LIN7A: variants seen among roughly 807,000 people sequenced by gnomAD.
LIN7A encodes protein lin-7 homolog A.
In LIN7A, 25 loss-of-function variants were observed where a neutral mutation model predicts 29.8. The ratio of observed to expected loss-of-function variants is 0.84; its 90% CI spans 0.61 to 1.17. LIN7A has a LOEUF of 1.17. Ranked by LOEUF, LIN7A falls within the 50% of genes most tolerant of loss-of-function variation. The probability of loss-of-function intolerance (pLI) is 0.00; values close to 1 mark genes in which losing one functional copy is unlikely to be tolerated. For synonymous variants in LIN7A, 118 were observed against 107.5 expected (o/e 1.10, Z -0.60); for missense variants, 239 against 287.0 (o/e 0.83, Z 1.21).
chr12:80,871,110 T>C (rs1874407320), intron 2 of LIN7A, among the ~76,000 whole-genome samples: 1 of 152,180 alleles, frequency 6.6e-6, no homozygotes. Flanking sequence ...CATCTCAGGC[T>C]GAAAATAGTG....
chr12:80,906,705 C>T (rs1592940507), intron 1 of LIN7A, among the ~76,000 whole-genome samples: 1 of 151,982 alleles, frequency 6.6e-6, no homozygotes, highest in South Asian at 2.1e-4. Flanking sequence ...ATTGAAAAAC[C>T]ACCTATCGGG....
At chr12:80,923,306 T>A (rs1337833059) in intron 1 of LIN7A, among the ~76,000 whole-genome samples, 1 of 152,168 alleles carries the variant, frequency 6.6e-6, no homozygotes, top group East Asian at 1.9e-4. Flanking sequence ...TTCCTGGTTC[T>A]GAGGGGCCTG....
chr12:80,913,111 C>T (rs1237991832), intron 1 of LIN7A, among the ~76,000 whole-genome samples: 3 of 152,252 alleles, frequency 2.0e-5, no homozygotes, highest in South Asian at 4.1e-4. Context: ...CTTAATTTTC[C>T]TATGAGCTTA....
At chr12:80,937,022 G>T (rs1878267124) in intron 1 of LIN7A, 1 of 152,188 alleles carries the variant, frequency 6.6e-6, no homozygotes, top group Non-Finnish European at 1.5e-5. Flanking sequence ...GGCTGCTGGG[G>T]CTCGGCTCCC....
At chr12:80,904,186 C>CA (rs1020571476) in intron 1 of LIN7A, among the ~76,000 whole-genome samples, 3 of 151,406 alleles carry the variant, frequency 2.0e-5, no homozygotes, top group African/African-American at 7.3e-5. Flanking sequence ...TTTTAATCAA[C>CA]AAAAAAAATT....
intron 3 of LIN7A, chr12:80,847,979 C>A (rs1045497103): frequency 1.4e-5 from 7 of 517,194 alleles, no homozygotes; most frequent in Non-Finnish European, 2.1e-5. Flanking sequence ...TAGTATTTCA[C>A]ACAATGAACC....
At chr12:80,815,982 A>C (rs1871511727) in intron 4 of LIN7A, among the ~76,000 whole-genome samples, 1 of 152,186 alleles carries the variant, frequency 6.6e-6, no homozygotes, top group Non-Finnish European at 1.5e-5. Flanking sequence ...TACCTACCCC[A>C]AAATTATGCC....
chr12:80,911,606 T>A (rs1332856999), intron 1 of LIN7A, among the ~76,000 whole-genome samples: 7 of 152,204 alleles, frequency 4.6e-5, no homozygotes, highest in Admixed American at 3.9e-4. Flanking sequence ...AAATTATTCT[T>A]GTACCTTTTC....
chr12:80,812,793 C>A (rs763590581), intron 4 of LIN7A, among the ~76,000 whole-genome samples: 9 of 152,222 alleles, frequency 5.9e-5, no homozygotes, highest in Admixed American at 3.9e-4. Flanking sequence ...TCAAGCGATC[C>A]ACCTCCCTCA....
chr12:80,909,718 GTTA>G (rs1431125460), intron 1 of LIN7A, among the ~76,000 whole-genome samples: 1 of 152,074 alleles, frequency 6.6e-6, no homozygotes, highest in Non-Finnish European at 1.5e-5. Context: ...GGCCTTGGAA[GTTA>G]TTATTTCAAC....
At chr12:80,884,673 A>G (rs778798894) in intron 2 of LIN7A, among the ~76,000 whole-genome samples, 4 of 152,162 alleles carry the variant, frequency 2.6e-5, no homozygotes, top group Non-Finnish European at 5.9e-5. Flanking sequence ...TAGAGAACTG[A>G]CCCAGTTTTG....
At chr12:80,850,699 G>C (rs188801037) in intron 2 of LIN7A, among the ~76,000 whole-genome samples, 113 of 152,276 alleles carry the variant, frequency 7.4e-4, no homozygotes, top group Admixed American at 1.5e-3. Context: ...ATAGGGCTGA[G>C]ATTGAGAAAT....
intron 1 of LIN7A, among the ~76,000 whole-genome samples, chr12:80,892,636 C>G (rs2120670713): frequency 6.6e-6 from 1 of 152,130 alleles, no homozygotes; most frequent in Middle Eastern, 3.4e-3. Flanking sequence ...CAAATTAAAC[C>G]AGAATCTCCA....
At chr12:80,916,703 C>T (rs17007656) in intron 1 of LIN7A, among the ~76,000 whole-genome samples, 2,429 of 152,202 alleles carry the variant, frequency 0.016, 70 homozygotes, top group African/African-American at 0.055. Flanking sequence ...CATACAGGTG[C>T]TTTGGAAGTA....
intron 1 of LIN7A, among the ~76,000 whole-genome samples, chr12:80,895,510 G>C (rs896861209): frequency 6.6e-6 from 1 of 152,154 alleles, no homozygotes; most frequent in Non-Finnish European, 1.5e-5. Context: ...AAAATGTGTT[G>C]AGCACTCAAG....
intron 2 of LIN7A, among the ~76,000 whole-genome samples, chr12:80,857,002 T>C (rs1873634240): frequency 6.6e-6 from 1 of 152,204 alleles, no homozygotes; most frequent in Non-Finnish European, 1.5e-5. Flanking sequence ...AAGGAAGATC[T>C]GCCCGTGTGG....
At chr12:80,916,084 T>C (rs1877017658) in intron 1 of LIN7A, among the ~76,000 whole-genome samples, 1 of 152,200 alleles carries the variant, frequency 6.6e-6, no homozygotes, top group South Asian at 2.1e-4. Flanking sequence ...GCAACCAGAA[T>C]TTGATCACTT....
At position 80,795,114 on chromosome 12, in the gene LIN7A, A is replaced by G. The variant is rs1329122226; in HGVS notation, c.*2613T>C. 2.0e-5 allele frequency: 3 copies of G among 152,110 alleles called. No homozygotes were observed. The highest frequency in any genetic ancestry group is 2.9e-5 in the Non-Finnish European group (2 of 67,994). 9.4% of individuals were successfully genotyped at this position (152,110 alleles called of 1,614,324 possible). A position where few individuals can be genotyped will look rare whatever the true frequency, so the allele number is the denominator to read the frequency against. ...GCAATGCAGGTTTTTATTTTAATAT[A>G]ATTTGGGACATGTCAGTGGCTCTAA... On this transcript the variant is annotated 3_prime_UTR_variant, in exon 6 of 6. Coordinates refer to ENST00000552864, the MANE Select transcript of LIN7A (RefSeq NM_004664.4).
intron 1 of LIN7A, among the ~76,000 whole-genome samples, chr12:80,921,782 C>A (rs879723054): frequency 2.0e-5 from 3 of 152,132 alleles, no homozygotes; most frequent in African/African-American, 2.4e-5. Context: ...TGGTGGTTAC[C>A]ATGTGATGCC....
Sources: allele counts gnomAD v4.1 joint callset (sites outside exome capture counted in the v4.1 genomes callset), GRCh38; gene constraint gnomAD v4.1.1; transcripts MANE v1.5; gene names NCBI Gene and HGNC (gene_info 2026-07-23, HGNC 2026-07-21).